Variants in GABRA4 observed in about 807,000 individuals in gnomAD.
GABRA4 encodes gamma-aminobutyric acid type A receptor subunit alpha4.
A neutral mutation model predicts 49.7 loss-of-function variants in GABRA4; 12 were observed. That is an observed-to-expected ratio of 0.24 (90% CI 0.15 to 0.39). GABRA4 has a LOEUF of 0.39. Among genes scored for constraint, GABRA4 ranks in the 10% least tolerant of loss-of-function variants. The pLI is 1.00. For synonymous variants in GABRA4, 288 were observed against 240.2 expected, an observed-to-expected ratio of 1.20 and a Z score of -1.84; for missense variants, 506 against 686.0, an observed-to-expected ratio of 0.74 and a Z score of 2.93.
chr4:46,948,555 T>G (rs1722060311), intron 8 of GABRA4, among the ~76,000 whole-genome samples: 2 of 152,088 alleles, frequency 1.3e-5, no homozygotes, highest in Admixed American at 1.3e-4. Flanking sequence ...TTCATGTAGC[T>G]ATTTCTGAGA....
chr4:46,952,937 A>G (rs1722223560), intron 8 of GABRA4, among the ~76,000 whole-genome samples: 1 of 152,112 alleles, frequency 6.6e-6, no homozygotes, highest in African/African-American at 2.4e-5. Flanking sequence ...TATTGCTATC[A>G]CCAGCAACCA....
chr4:46,945,985 A>C (rs1282109385), intron 8 of GABRA4, among the ~76,000 whole-genome samples: 1 of 152,132 alleles, frequency 6.6e-6, no homozygotes, highest in African/African-American at 2.4e-5. Context: ...GAGAGGTAAC[A>C]TTGTCCTTGG....
intron 8 of GABRA4, among the ~76,000 whole-genome samples, chr4:46,935,708 G>A (rs1877398): frequency 0.51 from 77,466 of 151,874 alleles, 20,002 homozygotes; most frequent in East Asian, 0.66. Context: ...TGGGAGAAAT[G>A]TCTAATGTAG....
At chr4:46,985,738 C>A (rs548962162) in intron 2 of GABRA4, among the ~76,000 whole-genome samples, 1 of 151,962 alleles carries the variant, frequency 6.6e-6, no homozygotes, top group South Asian at 2.1e-4. Context: ...TACATCCTAA[C>A]CCTAATGAAA....
In GABRA4 at chr4:46,930,722, G is replaced by A. The variant is rs1721398252; in HGVS notation, c.1135-1967C>T. 2.0e-5 allele frequency among the ~76,000 whole-genome samples: 3 copies of A among 151,362 alleles called. No individual in the cohort carries two copies. The South Asian group carries it at 6.3e-4, about 32-fold the overall frequency. On this transcript the variant is annotated intron_variant, in intron 8 of 8. Transcript: ENST00000264318. ...GTCCATGACCTTTAGAAATCTGTAT[G>A]TTTCCTAATACCAAATTCTAAGGAC...
rs572662745 is a variant in GABRA4, at chr4:46,973,737, A to C, written c.721+495T>G. Among the ~76,000 whole-genome samples the C allele has an allele frequency of 1.1e-4, 16 of 151,868 alleles. No individual in the cohort carries two copies. In the South Asian group the frequency reaches 2.9e-3, roughly 28 times the overall value. ...AGACCAAGAATCATAAATAATAAAC[A>C]TCCCCCCTACTCATGTGATAACCTT... On this transcript the variant is annotated intron_variant, in intron 6 of 8. Transcript: ENST00000264318.
At chr4:46,939,648 G>GA (rs1211354713) in intron 8 of GABRA4, among the ~76,000 whole-genome samples, 3 of 151,798 alleles carry the variant, frequency 2.0e-5, no homozygotes, top group Admixed American at 6.6e-5. Flanking sequence ...TTTAAAAACA[G>GA]AAAAAAGTTT....
At chr4:46,965,679 C>G (rs1304840408) in intron 7 of GABRA4, among the ~76,000 whole-genome samples, 1 of 151,730 alleles carries the variant, frequency 6.6e-6, no homozygotes, top group Non-Finnish European at 1.5e-5. Context: ...GGAAAGTGAG[C>G]AACACTGGCC....
At chr4:46,991,189 GAA>G (rs66474766) in intron 2 of GABRA4, among the ~76,000 whole-genome samples, 3 of 150,586 alleles carry the variant, frequency 2.0e-5, no homozygotes, top group African/African-American at 7.3e-5. Context: ...CCATCTCAAA[GAA>G]AAAAAAAGAA....
rs112472467 is a variant in GABRA4 at position 46,993,033 on chromosome 4, G to C, written c.87-87C>G. 9.1e-3 allele frequency: 9,403 copies of C among 1,034,390 alleles called. 57 individuals carry two copies. The highest frequency in any genetic ancestry group is 0.011 in the Non-Finnish European group (7,238 of 667,082). The allele number at this position is 1,034,390 out of a possible 1,614,324, so 64.1% of individuals were successfully genotyped here. A position where few individuals can be genotyped will look rare whatever the true frequency, so the allele number is the denominator to read the frequency against. On this transcript the variant is annotated intron_variant, in intron 1 of 8. Transcript: ENST00000264318. ...CAGGTGCAAACAGGTTTGTTTTCTA[G>C]GGAAAGAGTCGCTTGCCCCAAGCTA...
chr4:46,930,030 G>A (rs1238033291), intron 8 of GABRA4, among the ~76,000 whole-genome samples: 1 of 152,024 alleles, frequency 6.6e-6, no homozygotes, highest in Non-Finnish European at 1.5e-5. Flanking sequence ...TACTCATCTA[G>A]CATGTTTAAA....
At chr4:46,936,999 T>G (rs1229773487) in intron 8 of GABRA4, among the ~76,000 whole-genome samples, 1 of 152,162 alleles carries the variant, frequency 6.6e-6, no homozygotes, top group Non-Finnish European at 1.5e-5. Flanking sequence ...CTGGAATGTG[T>G]TTTCCCAAAT....
chr4:46,951,792 G>A (rs1479604106), intron 8 of GABRA4, among the ~76,000 whole-genome samples: 4 of 119,180 alleles, frequency 3.4e-5, no homozygotes, highest in East Asian at 2.8e-4. Context: ...ATATATGTGT[G>A]TACGTGTGTG....
intron 8 of GABRA4, among the ~76,000 whole-genome samples, chr4:46,952,262 T>C (rs1473709937): frequency 6.6e-6 from 1 of 152,034 alleles, no homozygotes; most frequent in African/African-American, 2.4e-5. Flanking sequence ...TTCAGGATTA[T>C]TCATCGTGGC....
At chr4:46,946,818 T>C (rs1399405275) in intron 8 of GABRA4, among the ~76,000 whole-genome samples, 1 of 152,098 alleles carries the variant, frequency 6.6e-6, no homozygotes, top group East Asian at 1.9e-4. Flanking sequence ...ATTTCTTAAG[T>C]CATCTTTTGA....
intron 2 of GABRA4, among the ~76,000 whole-genome samples, chr4:46,985,388 T>A (rs1723496307): frequency 6.6e-6 from 1 of 151,972 alleles, no homozygotes; most frequent in African/African-American, 2.4e-5. Flanking sequence ...GTGGTTTAAC[T>A]GGTATGTTTA....
At chr4:46,988,733 A>G (rs1242374609) in intron 2 of GABRA4, among the ~76,000 whole-genome samples, 1 of 152,216 alleles carries the variant, frequency 6.6e-6, no homozygotes, top group Non-Finnish European at 1.5e-5. Context: ...TTAAGGTCCT[A>G]CTTAACTTAG....
At chr4:46,951,501 G>A (rs1357315073) in intron 8 of GABRA4, among the ~76,000 whole-genome samples, 1 of 151,854 alleles carries the variant, frequency 6.6e-6, no homozygotes, top group African/African-American at 2.4e-5. Flanking sequence ...GCTGGAGATA[G>A]TAATATTCCC....
At chr4:46,931,628 T>A (rs190954838) in intron 8 of GABRA4, among the ~76,000 whole-genome samples, 172 of 152,268 alleles carry the variant, frequency 1.1e-3, no homozygotes, top group African/African-American at 3.9e-3. Context: ...CTATTTTTCC[T>A]AAGCTGGCTA....
Sources: gnomAD v4.1 joint callset for allele counts (sites outside exome capture counted in the v4.1 genomes callset) on GRCh38, gnomAD v4.1.1 for gene constraint, MANE v1.5 for transcripts, NCBI Gene and HGNC (gene_info 2026-07-23, HGNC 2026-07-21) for gene names.